LAMP2: variants seen among roughly 807,000 people sequenced by gnomAD.
LAMP2 encodes the protein lysosome associated membrane protein 2, also known as lysosome-associated membrane glycoprotein 2.
Under a neutral mutation model 25.6 loss-of-function variants are expected in LAMP2, and 4 were observed. That is an observed-to-expected ratio of 0.16 (90% CI 0.08 to 0.36). The LOEUF is 0.36. LAMP2 is among the 10% of genes least tolerant of loss of function. The probability of loss-of-function intolerance (pLI) is 1.00; values close to 1 mark genes in which losing one functional copy is unlikely to be tolerated. For missense variants in LAMP2, 272 were observed against 301.4 expected (o/e 0.90, Z 0.72); for synonymous variants, 108 against 112.7 (o/e 0.96, Z 0.27).
intron 6 of LAMP2, 142 bp downstream of exon 6, chrX:120,446,163 G>A: frequency 1.8e-6 from 1 of 565,736 alleles, no homozygotes; most frequent in South Asian, 2.5e-5. Context: ...GGATGAACAG[G>A]GATGAATGGA....
chrX:120,469,070 G>A (rs1921658061), intron 1 of LAMP2, 36 bp downstream of exon 1: 1 of 1,191,805 alleles, frequency 8.4e-7, no homozygotes, highest in Non-Finnish European at 1.1e-6. Flanking sequence ...CCCGGGCCCA[G>A]GCGGACAGAC....
chrX:120,442,778 C>T (rs2058579370), intron 6 of LAMP2, 116 bp from the exon 7 acceptor site: 2 of 578,784 alleles, frequency 3.5e-6, no homozygotes, highest in Admixed American at 4.7e-5. Flanking sequence ...AAGAAGAAAT[C>T]ATGCGGTAGA....
chrX:120,438,508 T>A, intron 8 of LAMP2: 1 of 743,250 alleles, frequency 1.3e-6, no homozygotes, highest in East Asian at 1.5e-4. Context: ...CTCTAAATTT[T>A]AAAAAGCTTT....
At chrX:120,442,780 T>C in intron 6 of LAMP2, 118 bp from the exon 7 acceptor site, 1 of 572,238 alleles carries the variant, frequency 1.7e-6, no homozygotes, top group Non-Finnish European at 3.0e-6. Flanking sequence ...GAAGAAATCA[T>C]GCGGTAGAAT....
At chrX:120,463,627 C>T (rs185293344) in intron 1 of LAMP2, among the ~76,000 whole-genome samples, 79 of 111,846 alleles carry the variant, frequency 7.1e-4, no homozygotes, top group Non-Finnish European at 1.1e-3. Flanking sequence ...TCCAGTGCTA[C>T]GAAATAATGC....
intron 8 of LAMP2, among the ~76,000 whole-genome samples, chrX:120,436,170 A>ACACTCT (rs1251901451): frequency 4.1e-3 from 235 of 57,297 alleles, no homozygotes; most frequent in African/African-American, 0.011. Context: ...ACACACACAC[A>ACACTCT]CTCTCTCTCT....
At chrX:120,458,303 C>A (rs2147288545) in intron 1 of LAMP2, among the ~76,000 whole-genome samples, 1 of 112,115 alleles carries the variant, frequency 8.9e-6, no homozygotes, top group Admixed American at 9.5e-5. Flanking sequence ...AAAAGCCTCA[C>A]ATGTATTAAT....
rs775529420 is a variant in LAMP2 at position 120,454,900 on chromosome X, T to TAC, written c.397+456_397+457insGT. On this transcript the variant is annotated intron_variant, in intron 3 of 8. Transcript: ENST00000200639. ...AGGTGTGTTACTGTATACTAGGAGA[T>TAC]ATATATATATATATACACACACACA... Among the ~76,000 whole-genome samples, 7 of 52,512 alleles carry TAC rather than the reference T, an allele frequency of 1.3e-4. No homozygotes were observed. The East Asian group carries it at 6.9e-3, about 51-fold the overall frequency. 45.6% of individuals were successfully genotyped at this position (52,512 alleles called of 115,157 possible).
At position 120,430,546 on chromosome X, in the gene LAMP2, A is replaced by G; in HGVS notation, c.*777T>C. 1.3e-6 allele frequency: 1 copy of G among 752,946 alleles called. No individual in the cohort carries two copies. Among genetic ancestry groups the G allele is most frequent in the Non-Finnish European group, 1.6e-6 (1 of 637,744 alleles). 62.1% of individuals were successfully genotyped at this position (752,946 alleles called of 1,213,427 possible). A position where few individuals can be genotyped will look rare whatever the true frequency, so the allele number is the denominator to read the frequency against. Reference sequence around the variant, plus strand: ...CTAATCAGGCATCCAAAGAAGAACAAAACAAGAAACAAAAAAGCAAGTGGC... The same window carrying G: ...CTAATCAGGCATCCAAAGAAGAACAGAACAAGAAACAAAAAAGCAAGTGGC... On this transcript the variant is annotated 3_prime_UTR_variant, in exon 9 of 9. Transcript: ENST00000200639.
intron 1 of LAMP2, among the ~76,000 whole-genome samples, chrX:120,462,067 A>C (rs1486408364): frequency 2.7e-5 from 3 of 112,159 alleles, no homozygotes; most frequent in Non-Finnish European, 3.8e-5. Flanking sequence ...GCTTTATGAC[A>C]TTAAAAAACC....
At chrX:120,440,132 A>G (rs10482500) in intron 8 of LAMP2, among the ~76,000 whole-genome samples, 9,846 of 111,925 alleles carry the variant, frequency 0.088, 1,038 homozygotes, top group African/African-American at 0.3. Context: ...TAGCAGGGTC[A>G]AATAGTTGTG....
chrX:120,450,903 A>C (rs1305801579), intron 3 of LAMP2, among the ~76,000 whole-genome samples: 4 of 108,409 alleles, frequency 3.7e-5, no homozygotes, highest in Non-Finnish European at 7.6e-5. Flanking sequence ...CTTTTAAAAA[A>C]CCCTTATTAT....
Position 120,428,361 on chromosome X carries a change from T to G in LAMP2, c.*2962A>C. ...TAAGTGTACTCATGCCCAAGTTAGC[T>G]AGGAACTCACTGAAGTTAGTCTGCA... On this transcript the variant is annotated 3_prime_UTR_variant, in exon 9 of 9. Coordinates refer to ENST00000200639, the MANE Select transcript of LAMP2 (RefSeq NM_002294.3). 4 of 942,285 alleles carry G rather than the reference T, an allele frequency of 4.2e-6. No homozygotes were observed. The highest frequency in any genetic ancestry group is 5.5e-6 in the Non-Finnish European group (4 of 731,485). The allele number at this position is 942,285 out of a possible 1,213,427, so 77.7% of individuals were successfully genotyped here.
At chrX:120,435,989 T>C (rs1419702993) in intron 8 of LAMP2, among the ~76,000 whole-genome samples, 2 of 111,620 alleles carry the variant, frequency 1.8e-5, no homozygotes, top group African/African-American at 6.5e-5. Flanking sequence ...AAAGCTACTA[T>C]GTAGAGATAT....
chrX:120,430,129 A>G lies in LAMP2; in HGVS notation c.*1194T>C. ...TTATAGAGACTCTGATCATGCCCCT[A>G]TATACATACAATGGGTTAATAATAC... On this transcript the variant is annotated 3_prime_UTR_variant, in exon 9 of 9. Transcript: ENST00000200639. 2 of 751,497 alleles carry G rather than the reference A, an allele frequency of 2.7e-6. No individual in the cohort carries two copies. Among genetic ancestry groups the G allele is most frequent in the Non-Finnish European group, 1.6e-6 (1 of 636,603 alleles). The allele number at this position is 751,497 out of a possible 1,213,427, so 61.9% of individuals were successfully genotyped here.
At chrX:120,438,337 A>C in intron 8 of LAMP2, 3 of 754,075 alleles carry the variant, frequency 4.0e-6, no homozygotes, top group Non-Finnish European at 4.7e-6. Flanking sequence ...TATGAGCACA[A>C]AGTACTAATG....
intron 1 of LAMP2, among the ~76,000 whole-genome samples, chrX:120,459,589 C>T (rs957437681): frequency 8.9e-6 from 1 of 112,646 alleles, no homozygotes; most frequent in Non-Finnish European, 1.9e-5. Flanking sequence ...GAATCCTGAA[C>T]TGGGATTTGG....
chrX:120,437,334 G>C (rs2058549535), intron 8 of LAMP2: 5 of 743,747 alleles, frequency 6.7e-6, no homozygotes, highest in Non-Finnish European at 7.9e-6. Flanking sequence ...TGTGTGTATT[G>C]ATCCATTCAA....
intron 3 of LAMP2, among the ~76,000 whole-genome samples, chrX:120,451,542 G>A (rs1157130131): frequency 1.8e-5 from 2 of 111,004 alleles, no homozygotes; most frequent in African/African-American, 6.6e-5. Context: ...TTGGCTCACC[G>A]CAACCTCCGC....
Sources: gnomAD v4.1 joint callset for allele counts (sites outside exome capture counted in the v4.1 genomes callset) on GRCh38, gnomAD v4.1.1 for gene constraint, MANE v1.5 for transcripts, NCBI Gene and HGNC (gene_info 2026-07-23, HGNC 2026-07-21) for gene names.